The following TMEM200A variants were observed in gnomAD, a reference collection of about 807,000 sequenced individuals.
TMEM200A encodes the protein transmembrane protein 200A, also known as two transmembrane C.
A neutral mutation model predicts 24.3 loss-of-function variants in TMEM200A; 12 were observed. The observed-to-expected ratio is 0.49, with a 90% CI of 0.32 to 0.80. The LOEUF is 0.80. TMEM200A is among the 30% of genes least tolerant of loss of function. The pLI, the probability that TMEM200A is intolerant of heterozygous loss-of-function variation, is 0.04. For synonymous variants in TMEM200A, 224 were observed against 224.4 expected (o/e 1.00, Z 0.02); for missense variants, 545 against 614.4 (o/e 0.89, Z 1.19).
intron 2 of TMEM200A, among the ~76,000 whole-genome samples, chr6:130,407,457 C>T (rs1779232141): frequency 6.6e-6 from 1 of 152,252 alleles, no homozygotes; most frequent in Middle Eastern, 3.4e-3. Flanking sequence ...CAGACTTTAG[C>T]AAGGAGATGA....
chr6:130,372,867 T>C (rs951856054), intron 1 of TMEM200A, among the ~76,000 whole-genome samples: 6 of 152,196 alleles, frequency 3.9e-5, no homozygotes, highest in African/African-American at 1.2e-4. Context: ...AAAACAACCA[T>C]GTGTAAAACT....
At chr6:130,375,899 G>C (rs1034787506) in intron 1 of TMEM200A, among the ~76,000 whole-genome samples, 2 of 151,986 alleles carry the variant, frequency 1.3e-5, no homozygotes, top group African/African-American at 4.8e-5. Context: ...ATGTAGTTAT[G>C]GTCAAGATAT....
chr6:130,428,023 T>C (rs1779788791), intron 2 of TMEM200A, among the ~76,000 whole-genome samples: 1 of 152,158 alleles, frequency 6.6e-6, no homozygotes, highest in Non-Finnish European at 1.5e-5. Context: ...AGGGTGTATG[T>C]ATGGTGTTTT....
intron 2 of TMEM200A, among the ~76,000 whole-genome samples, chr6:130,408,565 CAT>C (rs1214432811): frequency 6.6e-6 from 1 of 152,058 alleles, no homozygotes; most frequent in African/African-American, 2.4e-5. Flanking sequence ...GGACATGAGA[CAT>C]GTGGGGTGGG....
rs149424544 is a variant in TMEM200A at position 130,384,307 on chromosome 6, T to C, written c.-80-866T>C. Among the ~76,000 whole-genome samples, 550 of 152,322 alleles carry C rather than the reference T, an allele frequency of 3.6e-3. 2 individuals carry two copies. The highest frequency in any genetic ancestry group is 6.5e-3 in the Non-Finnish European group (442 of 68,024). On this transcript the variant is annotated intron_variant, in intron 1 of 2. Transcript: ENST00000296978. ...TTGTAAAGGCTGTATAATGTTCTGT[T>C]ACCTGTGTTTTTATTTTTGTTTTAT...
chr6:130,412,947 C>T (rs1346002071), intron 2 of TMEM200A, among the ~76,000 whole-genome samples: 1 of 152,148 alleles, frequency 6.6e-6, no homozygotes, highest in Non-Finnish European at 1.5e-5. Flanking sequence ...ATTAATTCTG[C>T]ATTCAGTGAG....
At chr6:130,403,352 T>C (rs1779130196) in intron 2 of TMEM200A, among the ~76,000 whole-genome samples, 2 of 152,128 alleles carry the variant, frequency 1.3e-5, no homozygotes, top group South Asian at 4.1e-4. Flanking sequence ...ACCAAGTAGA[T>C]TTTAGATACT....
chr6:130,429,231 AAAT>A (rs1779818297), intron 2 of TMEM200A, among the ~76,000 whole-genome samples: 2 of 152,142 alleles, frequency 1.3e-5, no homozygotes, highest in Non-Finnish European at 2.9e-5. Flanking sequence ...TGACAAAGAA[AAAT>A]AATGAGGCCA....
intron 2 of TMEM200A, among the ~76,000 whole-genome samples, chr6:130,410,983 A>C (rs1456442908): frequency 6.6e-6 from 1 of 152,206 alleles, no homozygotes; most frequent in Non-Finnish European, 1.5e-5. Flanking sequence ...AGCCAGGTCA[A>C]CATGGTGAAA....
At chr6:130,381,112 C>T (rs1370250418) in intron 1 of TMEM200A, among the ~76,000 whole-genome samples, 4 of 152,336 alleles carry the variant, frequency 2.6e-5, no homozygotes, top group South Asian at 2.1e-4. Flanking sequence ...TGAAAACTCT[C>T]CTAGACTTTG....
At chr6:130,437,969 TA>T (rs1043331630) in intron 2 of TMEM200A, 36 of 152,198 alleles carry the variant, frequency 2.4e-4, no homozygotes, top group Non-Finnish European at 4.7e-4. Context: ...GCTTTTAAAT[TA>T]AATGAAACGT....
At chr6:130,434,433 A>G (rs897043171) in intron 2 of TMEM200A, among the ~76,000 whole-genome samples, 1 of 152,228 alleles carries the variant, frequency 6.6e-6, no homozygotes, top group Non-Finnish European at 1.5e-5. Context: ...CTATGTAATT[A>G]TAATTATCTC....
At chr6:130,412,934 C>T (rs541616400) in intron 2 of TMEM200A, among the ~76,000 whole-genome samples, 1 of 152,256 alleles carries the variant, frequency 6.6e-6, no homozygotes, top group African/African-American at 2.4e-5. Context: ...ACTTTGATGT[C>T]TGATTAATTC....
chr6:130,392,893 T>C (rs1300795437), intron 2 of TMEM200A, among the ~76,000 whole-genome samples: 1 of 152,248 alleles, frequency 6.6e-6, no homozygotes, highest in Non-Finnish European at 1.5e-5. Context: ...GTTTTTGACA[T>C]CTCATTCATT....
At chr6:130,418,915 G>A (rs1779516811) in intron 2 of TMEM200A, among the ~76,000 whole-genome samples, 1 of 152,082 alleles carries the variant, frequency 6.6e-6, no homozygotes, top group South Asian at 2.1e-4. Context: ...TATGTATTGG[G>A]AACATATCGA....
chr6:130,418,267 A>C (rs1169346536), intron 2 of TMEM200A, among the ~76,000 whole-genome samples: 1 of 152,258 alleles, frequency 6.6e-6, no homozygotes, highest in Non-Finnish European at 1.5e-5. Context: ...AGTCATCAAA[A>C]GAAAATCAAA....
rs530928648 is a variant in TMEM200A, at chr6:130,378,647, C to T, written c.-80-6526C>T. ...GCTGAGGCAGAGAATCACTTGAACC[C>T]GAGAGGTGGATGTTGCAGTGAGCCA... On this transcript the variant is annotated intron_variant, in intron 1 of 2. Coordinates refer to ENST00000296978, the MANE Select transcript of TMEM200A (RefSeq NM_001258277.2). 5.4e-5 allele frequency among the ~76,000 whole-genome samples: 8 copies of T among 149,382 alleles called. No individual in the cohort carries two copies. In the South Asian group the frequency reaches 1.7e-3, roughly 32 times the overall value.
chr6:130,429,770 T>A (rs1018821400), intron 2 of TMEM200A, among the ~76,000 whole-genome samples: 1 of 152,162 alleles, frequency 6.6e-6, no homozygotes, highest in Non-Finnish European at 1.5e-5. Flanking sequence ...CCATATACAA[T>A]TGAAATTTTC....
chr6:130,378,403 A>T (rs965276146), intron 1 of TMEM200A, among the ~76,000 whole-genome samples: 17 of 147,724 alleles, frequency 1.2e-4, no homozygotes, highest in African/African-American at 4.3e-4. Context: ...GTTCTTAGAA[A>T]TCATGTGGTC....
Sources: gnomAD v4.1 joint callset for allele counts (sites outside exome capture counted in the v4.1 genomes callset) on GRCh38, gnomAD v4.1.1 for gene constraint, MANE v1.5 for transcripts, NCBI Gene and HGNC (gene_info 2026-07-23, HGNC 2026-07-21) for gene names.